GALNT2: variants seen among roughly 807,000 people sequenced by gnomAD.
GALNT2 encodes the protein UDP-GalNAc:polypeptide N-acetylgalactosaminyltransferase 2.
GALNT2 carries 31 observed loss-of-function variants against 81.4 expected under a neutral mutation model. That is an observed-to-expected ratio of 0.38 (90% CI 0.29 to 0.51). The LOEUF (loss-of-function observed/expected upper bound fraction) is 0.51, where lower values mean the gene tolerates loss of function less well. Ranked by LOEUF, GALNT2 falls within the 20% of genes least tolerant of loss-of-function variation. The pLI, the probability that GALNT2 is intolerant of heterozygous loss-of-function variation, is 0.87. For missense variants in GALNT2, 629 were observed against 765.7 expected, an observed-to-expected ratio of 0.82 and a Z score of 2.11; for synonymous variants, 303 against 287.4, an observed-to-expected ratio of 1.05 and a Z score of -0.55.
intron 2 of GALNT2, among the ~76,000 whole-genome samples, chr1:230,180,721 C>T (rs1663133339): frequency 6.6e-6 from 1 of 152,116 alleles, no homozygotes; most frequent in Non-Finnish European, 1.5e-5. Context: ...ACATTTTGAC[C>T]ATATTGTCTT....
intron 1 of GALNT2, among the ~76,000 whole-genome samples, chr1:230,143,453 C>G (rs1459034236): frequency 6.6e-6 from 1 of 152,184 alleles, no homozygotes; most frequent in Non-Finnish European, 1.5e-5. Flanking sequence ...CACACAGCAC[C>G]GCTGCCCATC....
chr1:230,209,080 TTC>T (rs1166946276), intron 3 of GALNT2, among the ~76,000 whole-genome samples: 1 of 152,108 alleles, frequency 6.6e-6, no homozygotes, highest in Non-Finnish European at 1.5e-5. Flanking sequence ...TTTTTGTTTT[TTC>T]TGTTATTGCT....
intron 1 of GALNT2, among the ~76,000 whole-genome samples, chr1:230,112,725 G>A (rs1422303924): frequency 6.8e-6 from 1 of 147,472 alleles, no homozygotes; most frequent in Non-Finnish European, 1.5e-5. Context: ...TTGTGCTGCG[G>A]AGATTCCTGC....
intron 6 of GALNT2, among the ~76,000 whole-genome samples, chr1:230,237,388 A>G (rs985327285): frequency 1.3e-5 from 2 of 152,226 alleles, no homozygotes; most frequent in East Asian, 1.9e-4. Context: ...AGGCTCCTCC[A>G]TGGTTGGGAG....
intron 3 of GALNT2, among the ~76,000 whole-genome samples, chr1:230,222,031 C>CTTTTTTTTTTTTTTTTTTTTTTTTA (rs564681409): frequency 1.0e-5 from 1 of 96,120 alleles, no homozygotes; most frequent in African/African-American, 5.1e-5. Flanking sequence ...CTGCTTTTCT[C>CTTTTTTTTTTTTTTTTTTTTTTTTA]TTTTTTTTTT....
rs184835347 is a variant in GALNT2, at chr1:230,275,648, A to G, written c.1560+1084A>G. Among the ~76,000 whole-genome samples the G allele has an allele frequency of 5.9e-5, 9 of 151,594 alleles. No individual in the cohort carries two copies. The highest frequency in any genetic ancestry group is 1.9e-4 in the African/African-American group (8 of 41,308). On this transcript the variant is annotated intron_variant, in intron 15 of 15. Transcript: ENST00000366672. The surrounding 1 kb of genome is among the most constrained non-coding windows in gnomAD (Gnocchi z 5.5). ...ACATATATATACGCCACATAGATAT[A>G]CAAGCACAACATATATACATGCCAC...
chr1:230,242,519 ATTAT>A (rs1404873049), intron 6 of GALNT2, among the ~76,000 whole-genome samples: 4 of 151,992 alleles, frequency 2.6e-5, no homozygotes, highest in Admixed American at 6.6e-5. Flanking sequence ...TAAATATACT[ATTAT>A]TTATTTTATT....
In GALNT2 at chr1:230,246,075, G is replaced by A; in HGVS notation, c.742G>A (p.Val248Ile). The change falls in exon 8 of 16, where the codon GTT becomes ATT. Residue 248 changes from valine (V) to isoleucine (I), a missense_variant. Coordinates refer to ENST00000366672, the MANE Select transcript of GALNT2 (RefSeq NM_004481.5). ...LERVAEDRTR[V>I]VSPIIDVINM... ...CTTTGTATTTTAGGACAGGACTCGG[G>A]TTGTGTCACCCATCATCGATGTCAT... 6.2e-7 allele frequency: 1 copy of A among 1,613,908 alleles called. No individual in the cohort carries two copies. The highest frequency in any genetic ancestry group is 8.5e-7 in the Non-Finnish European group (1 of 1,179,816).
intron 2 of GALNT2, among the ~76,000 whole-genome samples, chr1:230,179,655 T>C (rs1437371421): frequency 6.6e-6 from 1 of 152,236 alleles, no homozygotes; most frequent in African/African-American, 2.4e-5. Flanking sequence ...TTCATTTTCT[T>C]ATTGTTGAGT....
Position 230,236,055 on chromosome 1 carries a change from G to T in GALNT2, c.416G>T (p.Ser139Ile). The T allele has an allele frequency of 6.2e-7, 1 of 1,613,936 alleles. No homozygotes were observed. The highest frequency in any genetic ancestry group is 8.5e-7 in the Non-Finnish European group (1 of 1,179,986). The change falls in exon 4 of 16, where the codon AGC (serine) becomes ATC (isoleucine). Residue 139 changes from serine (S) to isoleucine (I), a missense_variant. Coordinates refer to ENST00000366672, the MANE Select transcript of GALNT2 (RefSeq NM_004481.5). ...KQWRVDLPAT[S>I]VVITFHNEAR... ...TGGCGGGTGGATCTGCCGGCCACCA[G>T]CGTGGTGATCACGTTTCACAATGAA...
At chr1:230,137,722 C>T (rs1661595729) in intron 1 of GALNT2, among the ~76,000 whole-genome samples, 2 of 152,194 alleles carry the variant, frequency 1.3e-5, no homozygotes, top group Non-Finnish European at 2.9e-5. Flanking sequence ...CTCTAGATTG[C>T]AACCTGGTTT....
chr1:230,235,768 T>C (rs1328162884), intron 3 of GALNT2, among the ~76,000 whole-genome samples: 1 of 152,186 alleles, frequency 6.6e-6, no homozygotes, highest in African/African-American at 2.4e-5. Flanking sequence ...GTTAGAAAGA[T>C]GTTCTCAATA....
chr1:230,176,988 G>A (rs551617120), intron 1 of GALNT2, among the ~76,000 whole-genome samples: 3 of 152,338 alleles, frequency 2.0e-5, no homozygotes, highest in African/African-American at 7.2e-5. Flanking sequence ...CGGCAGCCCT[G>A]ATGTGATAAA....
intron 11 of GALNT2, among the ~76,000 whole-genome samples, chr1:230,258,314 C>T (rs1665777353): frequency 1.3e-5 from 2 of 151,930 alleles, no homozygotes; most frequent in Non-Finnish European, 2.9e-5. Context: ...ACCACAACCT[C>T]CACCTCCCGG....
At chr1:230,133,721 C>G (rs1661444920) in intron 1 of GALNT2, among the ~76,000 whole-genome samples, 2 of 152,194 alleles carry the variant, frequency 1.3e-5, no homozygotes, top group African/African-American at 2.4e-5. Context: ...TCCTAAAGTG[C>G]TGGGATTACA....
rs564915904 is a variant in GALNT2, at chr1:230,223,163, A to G, written c.375-12851A>G. ...TGGATTATACCCTTATTGACATAAA[A>G]TTACCCCACTTTATTTGTTTTTCTT... On this transcript the variant is annotated intron_variant, in intron 3 of 15. Coordinates refer to ENST00000366672, the MANE Select transcript of GALNT2 (RefSeq NM_004481.5). Among the ~76,000 whole-genome samples the G allele has an allele frequency of 1.3e-4, 19 of 150,592 alleles. 1 individual carries two copies. The highest frequency in any genetic ancestry group is 6.9e-3 in the Middle Eastern group (2 of 288).
At chr1:230,158,416 ATTAACTT>A (rs1392105618) in intron 1 of GALNT2, among the ~76,000 whole-genome samples, 1 of 152,252 alleles carries the variant, frequency 6.6e-6, no homozygotes, top group African/African-American at 2.4e-5. Context: ...GCATGAAAAC[ATTAACTT>A]TTATTTTGGA....
At chr1:230,206,345 G>C (rs1304356154) in intron 3 of GALNT2, among the ~76,000 whole-genome samples, 1 of 151,994 alleles carries the variant, frequency 6.6e-6, no homozygotes, top group Non-Finnish European at 1.5e-5. Context: ...CCCACAGTGT[G>C]GGATGCATTT....
At position 230,281,594 on chromosome 1, in the gene GALNT2, A is replaced by G. The variant is rs1018722629; in HGVS notation, c.*2136A>G. 6.6e-6 allele frequency: 1 copy of G among 150,460 alleles called. No individual in the cohort carries two copies. Among genetic ancestry groups the G allele is most frequent in the African/African-American group, 2.5e-5 (1 of 40,648 alleles). The allele number at this position is 150,460 out of a possible 1,614,324, so 9.3% of individuals were successfully genotyped here. A position where few individuals can be genotyped will look rare whatever the true frequency, so the allele number is the denominator to read the frequency against. On this transcript the variant is annotated 3_prime_UTR_variant, in exon 16 of 16. Transcript: ENST00000366672. ...GCCCCTTCACCTTTACCCCGCCCGC[A>G]CCCCTAGGCCCTCTCAGCCTTCCTA... is the stretch of plus-strand genomic sequence containing the variant.
Sources: allele counts gnomAD v4.1 joint callset (sites outside exome capture counted in the v4.1 genomes callset), GRCh38; gene constraint gnomAD v4.1.1; non-coding constraint Gnocchi (gnomAD v3.1); transcripts MANE v1.5; gene names NCBI Gene and HGNC (gene_info 2026-07-23, HGNC 2026-07-21).